Variants in MSN observed in about 807,000 individuals in gnomAD.
MSN encodes the protein moesin, also known as epididymis luminal protein 70.
A neutral mutation model predicts 48.0 loss-of-function variants in MSN; 2 were observed. The ratio of observed to expected loss-of-function variants is 0.04; its 90% CI spans 0.02 to 0.13. The LOEUF is 0.13. Ranked by LOEUF, MSN falls within the 10% of genes least tolerant of loss-of-function variation. The probability of loss-of-function intolerance (pLI) is 1.00; values close to 1 mark genes in which losing one functional copy is unlikely to be tolerated. For synonymous variants in MSN, 146 were observed against 166.9 expected (o/e 0.87, Z 0.97); for missense variants, 267 against 470.1 (o/e 0.57, Z 3.99).
intron 1 of MSN, among the ~76,000 whole-genome samples, chrX:65,709,141 A>T (rs1465739940): frequency 8.9e-6 from 1 of 112,041 alleles, no homozygotes; most frequent in South Asian, 3.6e-4. Context: ...TCTCTTGGAT[A>T]TACTGATTTT....
At chrX:65,731,266 T>C in intron 5 of MSN, 76 bp downstream of exon 5, 1 of 845,240 alleles carries the variant, frequency 1.2e-6, no homozygotes. Context: ...GAGAAGAGAC[T>C]GATGACAAGG....
Position 65,622,459 on chromosome X carries a change from C to T in MSN, c.-22+33847C>T, listed in dbSNP as rs189255689. On this transcript the variant is annotated intron_variant, in intron 1 of 3. Transcript: ENST00000609672. ...TCTTTTTCTTGTCTTATTGCTCTAG[C>T]CAGAACTTCTAGTACAATTTTGAAT... is the stretch of plus-strand genomic sequence containing the variant. 5.5e-5 allele frequency among the ~76,000 whole-genome samples: 6 copies of T among 108,731 alleles called. No individual in the cohort carries two copies. In the East Asian group the frequency reaches 1.7e-3, roughly 31 times the overall value. The allele number at this position is 108,731 out of a possible 115,157, so 94.4% of individuals were successfully genotyped here.
At position 65,738,410 on chromosome X, in the gene MSN, G is replaced by A. The variant is rs928643695; in HGVS notation, c.1252-115G>A. The A allele has an allele frequency of 1.8e-5, 10 of 541,879 alleles. No individual in the cohort carries two copies. In the African/African-American group the frequency reaches 1.9e-4, roughly 10 times the overall value. 44.7% of individuals were successfully genotyped at this position (541,879 alleles called of 1,213,427 possible). A position where few individuals can be genotyped will look rare whatever the true frequency, so the allele number is the denominator to read the frequency against. ...GTCTGGTAAAAGAGTCTCTGAGGCA[G>A]CAAGCAAGTGGAGCAGTAGGTCCCT... is the stretch of plus-strand genomic sequence containing the variant. On this transcript the variant is annotated intron_variant, in intron 10 of 12. Transcript: ENST00000360270.
intron 1 of MSN, among the ~76,000 whole-genome samples, chrX:65,668,424 G>A (rs1046449920): frequency 2.7e-5 from 3 of 111,903 alleles, no homozygotes; most frequent in African/African-American, 6.5e-5. Flanking sequence ...GGCTGCACCC[G>A]AGAGCACCAA....
At chrX:65,721,611 C>T (rs1431707172) in intron 2 of MSN, among the ~76,000 whole-genome samples, 1 of 111,000 alleles carries the variant, frequency 9.0e-6, no homozygotes, top group East Asian at 2.8e-4. Context: ...GGAGGATCTC[C>T]ATCTTACAGA....
At chrX:65,615,450 G>A (rs2070361096) in intron 1 of MSN, among the ~76,000 whole-genome samples, 1 of 110,386 alleles carries the variant, frequency 9.1e-6, no homozygotes, top group South Asian at 3.8e-4. Flanking sequence ...TTTCTCTGAT[G>A]GCCAGTGATG....
At chrX:65,620,883 G>T (rs1257626977) in intron 1 of MSN, among the ~76,000 whole-genome samples, 163 of 59,926 alleles carry the variant, frequency 2.7e-3, no homozygotes, top group African/African-American at 8.6e-3. Flanking sequence ...TTTTTTTTTT[G>T]AGAGTTTTAC....
At chrX:65,695,706 C>T in intron 1 of MSN, among the ~76,000 whole-genome samples, 1 of 109,925 alleles carries the variant, frequency 9.1e-6, no homozygotes, top group Admixed American at 9.7e-5. Context: ...TCTATCTTGC[C>T]TGGCTTTGTC....
chrX:65,730,588 T>A (rs1602864450), intron 4 of MSN, among the ~76,000 whole-genome samples: 1 of 110,430 alleles, frequency 9.1e-6, no homozygotes, highest in East Asian at 2.8e-4. Context: ...CAAACCTTGT[T>A]TATAATCTAG....
chrX:65,594,566 A>G (rs2070173090), intron 1 of MSN, among the ~76,000 whole-genome samples: 1 of 111,369 alleles, frequency 9.0e-6, no homozygotes, highest in South Asian at 3.8e-4. Flanking sequence ...ATAGAATACC[A>G]CAGAACATTA....
chrX:65,618,668 C>G (rs2070401026), intron 1 of MSN, among the ~76,000 whole-genome samples: 1 of 110,723 alleles, frequency 9.0e-6, no homozygotes. Context: ...TCCAATTTGC[C>G]AGTCTGTGTC....
chrX:65,727,916 G>A lies in MSN; in HGVS notation c.192+7G>A. 8.5e-7 allele frequency: 1 copy of A among 1,169,922 alleles called. No individual in the cohort carries two copies. On this transcript the variant is annotated splice_region_variant and intron_variant, in intron 3 of 12. Transcript: ENST00000360270. The stretch of plus-strand genomic sequence containing the variant: ...GCTGAAACTCAATAAGAAGGTAACT[G>A]CTTATTCCTCTGTTGGATTTAGAAT...
chrX:65,712,794 C>T (rs1474183415), intron 1 of MSN, among the ~76,000 whole-genome samples: 1 of 111,479 alleles, frequency 9.0e-6, no homozygotes, highest in Non-Finnish European at 1.9e-5. Context: ...CATTTTGTGG[C>T]TGTACTATAT....
intron 1 of MSN, among the ~76,000 whole-genome samples, chrX:65,592,640 A>T (rs771577597): frequency 8.9e-6 from 1 of 112,143 alleles, no homozygotes; most frequent in African/African-American, 3.2e-5. Context: ...ACAGTATGTA[A>T]TCACCTATAG....
intron 1 of MSN, among the ~76,000 whole-genome samples, chrX:65,698,262 G>C (rs2071267100): frequency 8.9e-6 from 1 of 112,123 alleles, no homozygotes; most frequent in Non-Finnish European, 1.9e-5. Context: ...CTTACCCTAA[G>C]AAAGACTGTA....
At chrX:65,727,072 G>A (rs1193833104) in intron 2 of MSN, among the ~76,000 whole-genome samples, 4 of 111,664 alleles carry the variant, frequency 3.6e-5, no homozygotes, top group Non-Finnish European at 7.5e-5. Context: ...ACCTGTGTAA[G>A]AGGAATCATG....
intron 1 of MSN, among the ~76,000 whole-genome samples, chrX:65,699,531 C>T (rs758540533): frequency 5.4e-5 from 6 of 110,763 alleles, no homozygotes; most frequent in South Asian, 3.9e-4. Context: ...GGGTGGATCA[C>T]GAGGTCGGGA....
At chrX:65,709,257 T>C (rs1482366120) in intron 1 of MSN, among the ~76,000 whole-genome samples, 1 of 112,479 alleles carries the variant, frequency 8.9e-6, no homozygotes, top group Non-Finnish European at 1.9e-5. Flanking sequence ...ACAGTGGTTG[T>C]ACTGGTTTAC....
chrX:65,646,419 T>C (rs1347401189), intron 1 of MSN, among the ~76,000 whole-genome samples: 1 of 111,875 alleles, frequency 8.9e-6, no homozygotes, highest in Non-Finnish European at 1.9e-5. Flanking sequence ...AGTTGAGAGA[T>C]AGCTGGCCCA....
Sources: allele counts gnomAD v4.1 joint callset (sites outside exome capture counted in the v4.1 genomes callset), GRCh38; gene constraint gnomAD v4.1.1; transcripts MANE v1.5; gene names NCBI Gene and HGNC (gene_info 2026-07-23, HGNC 2026-07-21).